PSMD13: variants seen among roughly 807,000 people sequenced by gnomAD.
PSMD13 encodes proteasome 26S subunit, non-ATPase 13.
Under a neutral mutation model 57.4 loss-of-function variants are expected in PSMD13, and 8 were observed. The ratio of observed to expected loss-of-function variants is 0.14; its 90% CI spans 0.08 to 0.25. The LOEUF is 0.25. Among genes scored for constraint, PSMD13 ranks in the 10% least tolerant of loss-of-function variants. PSMD13 has a pLI of 1.00. For missense variants in PSMD13, 400 were observed against 461.5 expected (o/e 0.87, Z 1.22); for synonymous variants, 193 against 168.2 (o/e 1.15, Z -1.14).
In PSMD13 at chr11:251,133, G is replaced by A. The variant is rs1372807776; in HGVS notation, c.837+268G>A. On this transcript the variant is annotated intron_variant, in intron 10 of 12. Transcript: ENST00000532097. This position sits in a 1 kb window ranked among gnomAD's most constrained non-coding sequence, Gnocchi z 4.6. ...CCATCTGAACTGAGATGAAGTAGCT[G>A]CCCCTCTCCCCGTGATGCAGTTGTT... The A allele has an allele frequency of 1.2e-5, 6 of 496,048 alleles. No homozygotes were observed. Among genetic ancestry groups the A allele is most frequent in the Non-Finnish European group, 2.2e-5 (6 of 273,134 alleles). The allele number at this position is 496,048 out of a possible 1,614,324, so 30.7% of individuals were successfully genotyped here.
intron 9 of PSMD13, among the ~76,000 whole-genome samples, chr11:249,580 G>GGTC (rs1859731591): frequency 2.1e-5 from 2 of 95,620 alleles, no homozygotes; most frequent in Non-Finnish European, 5.2e-5. Flanking sequence ...GAGGGGGAGA[G>GGTC]CGGCGGGTGC....
At chr11:239,577 C>A (rs914314959) in intron 2 of PSMD13, among the ~76,000 whole-genome samples, 1 of 152,122 alleles carries the variant, frequency 6.6e-6, no homozygotes, top group Non-Finnish European at 1.5e-5. Context: ...CACTTCTGTC[C>A]TGGGTAGTGT....
At chr11:250,723 G>A in intron 9 of PSMD13, 80 bp from the exon 10 acceptor site, 1 of 1,351,846 alleles carries the variant, frequency 7.4e-7, no homozygotes, top group Non-Finnish European at 1.1e-6. Flanking sequence ...TACTGTTATA[G>A]AACGAATTCC....
At chr11:241,435 G>A (rs1859513774) in intron 2 of PSMD13, among the ~76,000 whole-genome samples, 1 of 152,214 alleles carries the variant, frequency 6.6e-6, no homozygotes, top group Admixed American at 6.5e-5. Context: ...ACAGCACCGG[G>A]ACAAAAATGC....
At position 252,494 on chromosome 11, in the gene PSMD13, T is replaced by C; in HGVS notation, c.1036-11T>C. On this transcript the variant is annotated splice_polypyrimidine_tract_variant and intron_variant, in intron 12 of 12. Coordinates refer to ENST00000532097, the MANE Select transcript of PSMD13 (RefSeq NM_002817.4). This position sits in a 1 kb window ranked among gnomAD's most constrained non-coding sequence, Gnocchi z 4.1. ...GTCTTAACGTCCCTTGTGTCCGGAT[T>C]TCCATTTCAGATCAAGGGAATGAAG... is the stretch of plus-strand genomic sequence containing the variant. The C allele has an allele frequency of 6.2e-7, 1 of 1,613,706 alleles. No homozygotes were observed. Among genetic ancestry groups the C allele is most frequent in the Admixed American group, 1.7e-5 (1 of 60,014 alleles).
Position 251,741 on chromosome 11 carries a change from T to TG in PSMD13, c.919-79_919-78insG. 6.5e-7 allele frequency: 1 copy of TG among 1,537,942 alleles called. No individual in the cohort carries two copies. The highest frequency in any genetic ancestry group is 9.0e-7 in the Non-Finnish European group (1 of 1,115,114). On this transcript the variant is annotated intron_variant, in intron 11 of 12. Transcript: ENST00000532097. The surrounding 1 kb of genome is among the most constrained non-coding windows in gnomAD (Gnocchi z 4.6). ...GTAAAAAATGACGGGAGGAGCGGCA[T>TG]CTGCTTCTCACAAGCCATCTGGGTC... is the stretch of plus-strand genomic sequence containing the variant.
chr11:237,343 A>G (rs1191545948), intron 1 of PSMD13, among the ~76,000 whole-genome samples, 199 bp downstream of exon 1: 2 of 152,196 alleles, frequency 1.3e-5, no homozygotes, highest in African/African-American at 4.8e-5. Context: ...AAGAGGGATG[A>G]CAGACCACGA....
intron 6 of PSMD13, among the ~76,000 whole-genome samples, 184 bp downstream of exon 6, chr11:244,945 T>TA (rs1219604432): frequency 1.3e-5 from 2 of 151,680 alleles, no homozygotes; most frequent in African/African-American, 4.8e-5. Context: ...AACCTTTTTT[T>TA]TTTTTTTTTT....
intron 10 of PSMD13, 82 bp downstream of exon 10, chr11:250,947 T>C: frequency 2.4e-6 from 3 of 1,229,210 alleles, no homozygotes; most frequent in Non-Finnish European, 3.6e-6. Flanking sequence ...AAGCCTGTGC[T>C]GAGCAGTGTG....
chr11:240,984 A>G (rs1347888044), intron 2 of PSMD13, among the ~76,000 whole-genome samples: 1 of 151,960 alleles, frequency 6.6e-6, no homozygotes, highest in African/African-American at 2.4e-5. Flanking sequence ...GGCACCCGCC[A>G]CCACGCCTGG....
chr11:248,719 C>T (rs1161319305), intron 7 of PSMD13, 57 bp from the exon 8 acceptor site: 1 of 1,517,744 alleles, frequency 6.6e-7, no homozygotes, highest in Non-Finnish European at 9.1e-7. Flanking sequence ...ATTTTTAAAG[C>T]TAAACAGGAC....
intron 6 of PSMD13, 137 bp from the exon 7 acceptor site, chr11:247,140 A>G: frequency 1.3e-6 from 1 of 759,686 alleles, no homozygotes. Flanking sequence ...CCCAGCTACT[A>G]CAGAGGCTGA....
At chr11:243,623 C>T (rs1240768529) in intron 2 of PSMD13, 5 of 371,048 alleles carry the variant, frequency 1.3e-5, no homozygotes, top group South Asian at 9.4e-5. Flanking sequence ...GGCTGGGGAC[C>T]ACACGGCAGC....
intron 1 of PSMD13, 81 bp from the exon 2 acceptor site, chr11:238,917 T>C: frequency 7.6e-7 from 1 of 1,318,366 alleles, no homozygotes; most frequent in Non-Finnish European, 1.1e-6. Flanking sequence ...CCTGTATTTG[T>C]GACTTGATAG....
At chr11:244,641 C>T (rs1217631571) in intron 5 of PSMD13, 34 bp from the exon 6 acceptor site, 2 of 1,586,458 alleles carry the variant, frequency 1.3e-6, no homozygotes, top group Admixed American at 3.4e-5. Flanking sequence ...TGCCCACATT[C>T]TGAGGTTTCT....
chr11:246,130 A>G (rs1263021701), intron 6 of PSMD13, among the ~76,000 whole-genome samples: 1 of 152,180 alleles, frequency 6.6e-6, no homozygotes, highest in Non-Finnish European at 1.5e-5. Context: ...TCATGTGGGT[A>G]TGTGTAACCA....
At position 251,898 on chromosome 11, in the gene PSMD13, A is replaced by G. The variant is rs1213325000; in HGVS notation, c.997A>G (p.Met333Val). The G allele has an allele frequency of 1.2e-6, 2 of 1,614,054 alleles. No homozygotes were observed. Among genetic ancestry groups the G allele is most frequent in the Middle Eastern group, 1.6e-4 (1 of 6,084 alleles). ...SIDEVDKRVHMTWVQPRVLDL... is the reference protein window; with the variant it reads ...SIDEVDKRVHVTWVQPRVLDL... ...AGACGAGGTGGACAAACGAGTCCAC[A>G]TGACCTGGGTGCAGCCCCGAGTGTT... Residue 333 changes from methionine (M) to valine (V), a missense_variant, in exon 12 of 13, where the codon ATG (methionine) becomes GTG (valine). Physicochemically the swap from Met to Val is conservative, Grantham distance 21. Transcript: ENST00000532097. This position sits in a 1 kb window ranked among gnomAD's most constrained non-coding sequence, Gnocchi z 4.6.
At chr11:245,640 ACGTGTG>A (rs1290348917) in intron 6 of PSMD13, among the ~76,000 whole-genome samples, 2 of 80,722 alleles carry the variant, frequency 2.5e-5, no homozygotes, top group Non-Finnish European at 4.8e-5. Context: ...TTGAACCAGA[ACGTGTG>A]TGTGTGTGTG....
intron 7 of PSMD13, chr11:247,714 T>A: frequency 3.7e-6 from 1 of 272,768 alleles, no homozygotes. Flanking sequence ...GTGCCTGTAA[T>A]CCCAGTTACT....
Sources: gnomAD v4.1 joint callset for allele counts (sites outside exome capture counted in the v4.1 genomes callset) on GRCh38, gnomAD v4.1.1 for gene constraint, Gnocchi (gnomAD v3.1) non-coding constraint, MANE v1.5 for transcripts, NCBI Gene and HGNC (gene_info 2026-07-23, HGNC 2026-07-21) for gene names.